OLFM2: variants seen among roughly 807,000 people sequenced by gnomAD.
The protein encoded by OLFM2 is olfactomedin 2.
Under a neutral mutation model 43.9 loss-of-function variants are expected in OLFM2, and 20 were observed. That is an observed-to-expected ratio of 0.46 (90% CI 0.32 to 0.66). The LOEUF is 0.66. OLFM2 is among the 30% of genes least tolerant of loss of function. The pLI is 0.04. For synonymous variants in OLFM2, 268 were observed against 278.6 expected (o/e 0.96, Z 0.38); for missense variants, 416 against 643.6 (o/e 0.65, Z 3.83).
chr19:9,888,038 A>G (rs956788493), intron 1 of OLFM2, among the ~76,000 whole-genome samples: 1 of 151,740 alleles, frequency 6.6e-6, no homozygotes, highest in Non-Finnish European at 1.5e-5. Context: ...CTCCTTCACA[A>G]TCTGTCCCAT....
chr19:9,921,420 G>T (rs989010322), intron 1 of OLFM2, among the ~76,000 whole-genome samples: 2 of 152,058 alleles, frequency 1.3e-5, no homozygotes, highest in Non-Finnish European at 2.9e-5. Flanking sequence ...CACCCAGCTA[G>T]GCAAAGGTTT....
intron 1 of OLFM2, among the ~76,000 whole-genome samples, chr19:9,891,250 T>A (rs192779146): frequency 1.9e-3 from 281 of 146,422 alleles, no homozygotes; most frequent in African/African-American, 7.0e-3. Flanking sequence ...GAGGCAGAGG[T>A]TGCAGTGAGC....
chr19:9,888,938 T>C (rs1008248429), intron 1 of OLFM2, among the ~76,000 whole-genome samples: 5 of 151,786 alleles, frequency 3.3e-5, no homozygotes, highest in Non-Finnish European at 7.4e-5. Flanking sequence ...TGGTGGCGGG[T>C]GCCTGTAGTC....
At chr19:9,904,980 T>C (rs1284490946) in intron 1 of OLFM2, among the ~76,000 whole-genome samples, 1 of 151,494 alleles carries the variant, frequency 6.6e-6, no homozygotes, top group Non-Finnish European at 1.5e-5. Flanking sequence ...GATCATGCCA[T>C]TGCACTACAG....
rs114459176 is a variant in OLFM2 at position 9,914,622 on chromosome 19, G to C, written c.63+21682C>G. Reference sequence around the variant, plus strand: ...TACTTGCAACTTTAACTTTGGGTGGGGGCGGGGCACTCACGCTTCGGACCT... The same window carrying C: ...TACTTGCAACTTTAACTTTGGGTGGCGGCGGGGCACTCACGCTTCGGACCT... On this transcript the variant is annotated intron_variant, in intron 1 of 5. Transcript: ENST00000264833. Among the ~76,000 whole-genome samples the C allele has an allele frequency of 7.3e-3, 1,101 of 151,792 alleles. 19 individuals are homozygous for C. Among genetic ancestry groups the C allele is most frequent in the African/African-American group, 0.025 (1,035 of 41,440 alleles).
chr19:9,914,518 C>G (rs2046859559), intron 1 of OLFM2, among the ~76,000 whole-genome samples: 1 of 150,052 alleles, frequency 6.7e-6, no homozygotes, highest in Non-Finnish European at 1.5e-5. Context: ...GTTCCCACGA[C>G]TACCAAGGGC....
chr19:9,911,310 C>T (rs923893531), intron 1 of OLFM2, among the ~76,000 whole-genome samples: 1 of 152,116 alleles, frequency 6.6e-6, no homozygotes, highest in African/African-American at 2.4e-5. Flanking sequence ...ACCCTGAGTA[C>T]CTTAACATCT....
intron 1 of OLFM2, among the ~76,000 whole-genome samples, chr19:9,921,741 T>C (rs1010526274): frequency 6.6e-6 from 1 of 151,928 alleles, no homozygotes; most frequent in African/African-American, 2.4e-5. Flanking sequence ...CACCTCGGCC[T>C]CCCAAAATGC....
At chr19:9,893,532 C>T (rs2046655934) in intron 1 of OLFM2, among the ~76,000 whole-genome samples, 1 of 152,122 alleles carries the variant, frequency 6.6e-6, no homozygotes. Context: ...GTGAACCCCC[C>T]GTCTTGGAAC....
chr19:9,929,015 G>A (rs554498684), intron 1 of OLFM2, among the ~76,000 whole-genome samples: 36 of 151,074 alleles, frequency 2.4e-4, no homozygotes, highest in Non-Finnish European at 4.1e-4. Flanking sequence ...CCAGGAGTTC[G>A]AGGCCTGCCT....
intron 1 of OLFM2, among the ~76,000 whole-genome samples, chr19:9,895,510 TAAA>T (rs2046675912): frequency 6.6e-6 from 1 of 151,828 alleles, no homozygotes; most frequent in Non-Finnish European, 1.5e-5. Flanking sequence ...AATAAATAAA[TAAA>T]TAAATGTAAA....
chr19:9,906,873 T>G (rs1340125950), intron 1 of OLFM2, among the ~76,000 whole-genome samples: 1 of 151,886 alleles, frequency 6.6e-6, no homozygotes, highest in Non-Finnish European at 1.5e-5. Context: ...TCCCTCTCCC[T>G]CCCCCAATCA....
At position 9,857,258 on chromosome 19, in the gene OLFM2, C is replaced by T; in HGVS notation, c.580+5G>A. 6.2e-7 allele frequency: 1 copy of T among 1,613,252 alleles called. No individual in the cohort carries two copies. The highest frequency in any genetic ancestry group is 8.5e-7 in the Non-Finnish European group (1 of 1,179,710). ...CAGGGGTCAGGGTCAAGGGCCAAGGCATACCCAGCTTCTGGGCGCAGGCGT... is the reference window on the plus strand; with the variant it reads ...CAGGGGTCAGGGTCAAGGGCCAAGGTATACCCAGCTTCTGGGCGCAGGCGT... On this transcript the variant is annotated splice_donor_5th_base_variant and intron_variant, in intron 4 of 5. Transcript: ENST00000264833. The surrounding 1 kb of genome is among the most constrained non-coding windows in gnomAD (Gnocchi z 5.7).
chr19:9,900,978 GGAAGGA>G (rs1411934374), intron 1 of OLFM2, among the ~76,000 whole-genome samples: 1 of 50,682 alleles, frequency 2.0e-5, no homozygotes, highest in East Asian at 7.0e-4. Context: ...AAGGAAGGAA[GGAAGGA>G]AGGAAGGGAG....
At chr19:9,873,196 G>A (rs2046457539) in intron 1 of OLFM2, among the ~76,000 whole-genome samples, 1 of 152,204 alleles carries the variant, frequency 6.6e-6, no homozygotes, top group Non-Finnish European at 1.5e-5. Context: ...AGGCTGGAGT[G>A]CAGTGGTGTA....
chr19:9,870,931 C>T (rs2046436573), intron 1 of OLFM2, among the ~76,000 whole-genome samples: 3 of 151,868 alleles, frequency 2.0e-5, no homozygotes, highest in Admixed American at 2.0e-4. Context: ...TACAGTGGCT[C>T]GCATCTGTAA....
At chr19:9,912,927 T>C (rs1438214869) in intron 1 of OLFM2, among the ~76,000 whole-genome samples, 2 of 149,070 alleles carry the variant, frequency 1.3e-5, no homozygotes, top group African/African-American at 5.0e-5. Context: ...AAGATAGAAA[T>C]ATTAATAGAA....
chr19:9,854,949 C>T lies in OLFM2; in HGVS notation c.688-86G>A, dbSNP rs888499157. 9.4e-7 allele frequency: 1 copy of T among 1,058,792 alleles called. No individual in the cohort carries two copies. The highest frequency in any genetic ancestry group is 1.7e-5 in the South Asian group (1 of 60,386). The allele number at this position is 1,058,792 out of a possible 1,614,324, so 65.6% of individuals were successfully genotyped here. A position where few individuals can be genotyped will look rare whatever the true frequency, so the allele number is the denominator to read the frequency against. On this transcript the variant is annotated intron_variant, in intron 5 of 5. Transcript: ENST00000264833. This position sits in a 1 kb window ranked among gnomAD's most constrained non-coding sequence, Gnocchi z 9.5. ...ACCAGCTACAGCCATTAGAGTTCAA[C>T]AGTCACTAAGTGGTCATTAGTCATG...
chr19:9,855,864 G>A (rs1054655654), intron 5 of OLFM2, among the ~76,000 whole-genome samples: 1 of 151,974 alleles, frequency 6.6e-6, no homozygotes, highest in Admixed American at 6.6e-5. Flanking sequence ...GACCCTAAGT[G>A]GACAATGCTC....
Sources: allele counts gnomAD v4.1 joint callset (sites outside exome capture counted in the v4.1 genomes callset), GRCh38; gene constraint gnomAD v4.1.1; non-coding constraint Gnocchi (gnomAD v3.1); transcripts MANE v1.5; gene names NCBI Gene and HGNC (gene_info 2026-07-23, HGNC 2026-07-21).